The following KANK1 variants were observed in gnomAD, a reference collection of about 807,000 sequenced individuals.
KANK1 encodes the protein KN motif and ankyrin repeat domain-containing protein 1.
KANK1 carries 109 observed loss-of-function variants against 106.2 expected under a neutral mutation model. The observed-to-expected ratio is 1.03, with a 90% confidence interval of 0.88 to 1.20. The LOEUF (loss-of-function observed/expected upper bound fraction) is 1.20. Ranked by LOEUF, KANK1 falls within the 50% of genes most tolerant of loss-of-function variation. The pLI is 0.00. For synonymous variants in KANK1, 873 were observed against 652.2 expected (o/e 1.34, Z -5.16); for missense variants, 2,399 against 1,710.7 (o/e 1.40, Z -7.10).
chr9:652,652 T>C (rs1563929431), intron 1 of KANK1, among the ~76,000 whole-genome samples: 1 of 152,204 alleles, frequency 6.6e-6, no homozygotes, highest in Admixed American at 6.5e-5. Context: ...GTTGTTATCT[T>C]AGGAAGATGA....
intron 2 of KANK1, among the ~76,000 whole-genome samples, chr9:703,301 G>C (rs1387560368): frequency 6.6e-6 from 1 of 152,036 alleles, no homozygotes; most frequent in Non-Finnish European, 1.5e-5. Context: ...CTGCATTGTT[G>C]ATATATGCCT....
At chr9:714,464 AT>A (rs1205316453) in intron 3 of KANK1, among the ~76,000 whole-genome samples, 6 of 148,890 alleles carry the variant, frequency 4.0e-5, no homozygotes, top group Admixed American at 6.8e-5. Context: ...GGTACAAGCG[AT>A]TCTTGTGTCT....
intron 2 of KANK1, among the ~76,000 whole-genome samples, chr9:682,646 C>G (rs9407359): frequency 0.53 from 80,446 of 152,016 alleles, 23,399 homozygotes; most frequent in East Asian, 0.9. Context: ...AGAACATCTT[C>G]CCTGGTCATT....
intron 3 of KANK1, among the ~76,000 whole-genome samples, chr9:723,828 C>T (rs565460399): frequency 4.6e-5 from 7 of 151,060 alleles, no homozygotes; most frequent in Non-Finnish European, 8.8e-5. Flanking sequence ...CACAGTAGCT[C>T]ATGCCTGTAA....
chr9:543,691 A>G (rs944126190), intron 1 of KANK1, among the ~76,000 whole-genome samples: 1 of 152,210 alleles, frequency 6.6e-6, no homozygotes, highest in Non-Finnish European at 1.5e-5. Flanking sequence ...ACCATTGTGC[A>G]TTATGCTGTC....
intron 1 of KANK1, among the ~76,000 whole-genome samples, chr9:606,709 A>G (rs1463643148): frequency 6.6e-6 from 1 of 151,456 alleles, no homozygotes; most frequent in Non-Finnish European, 1.5e-5. Flanking sequence ...AGTTGCAGCT[A>G]CAAAGGAAGA....
chr9:536,624 C>G (rs545132606), intron 1 of KANK1, among the ~76,000 whole-genome samples: 1 of 152,188 alleles, frequency 6.6e-6, no homozygotes, highest in Non-Finnish European at 1.5e-5. Flanking sequence ...CTTTCTGTCT[C>G]TGACCACAGA....
intron 3 of KANK1, among the ~76,000 whole-genome samples, chr9:717,693 T>C (rs1328991794): frequency 6.6e-6 from 1 of 152,220 alleles, no homozygotes; most frequent in Middle Eastern, 3.2e-3. Flanking sequence ...AAAAAAAGTT[T>C]ATTCTTCCTG....
Position 645,031 on chromosome 9 carries a change from G to A in KANK1, c.-83-31859G>A, listed in dbSNP as rs781750741. Among the ~76,000 whole-genome samples, 9 of 146,798 alleles carry A rather than the reference G, an allele frequency of 6.1e-5. 1 individual carries two copies. The highest frequency in any genetic ancestry group is 1.1e-4 in the African/African-American group (4 of 37,928). Reference sequence around the variant, plus strand: ...CCCAGCTACTCTGGAGGCTCAGGCAGGAGAATTGTTTGAACCTGGGAGGCA... The same window carrying A: ...CCCAGCTACTCTGGAGGCTCAGGCAAGAGAATTGTTTGAACCTGGGAGGCA... On this transcript the variant is annotated intron_variant, in intron 1 of 11. Transcript: ENST00000382297.
intron 1 of KANK1, among the ~76,000 whole-genome samples, chr9:611,004 C>A (rs1326248549): frequency 6.6e-6 from 1 of 152,194 alleles, no homozygotes; most frequent in East Asian, 1.9e-4. Context: ...TTGTCTCTGA[C>A]AGAAGGCATC....
chr9:595,156 G>A (rs935767339), intron 1 of KANK1, among the ~76,000 whole-genome samples: 1 of 151,684 alleles, frequency 6.6e-6, no homozygotes, highest in African/African-American at 2.4e-5. Context: ...GCACATGACT[G>A]TAGTCCCAGC....
At chr9:744,610 A>T in intron 11 of KANK1, 21 bp downstream of exon 11, 1 of 1,614,120 alleles carries the variant, frequency 6.2e-7, no homozygotes, top group Middle Eastern at 1.7e-4. Context: ...TGCATTTGGC[A>T]TTTGTAAATA....
intron 3 of KANK1, among the ~76,000 whole-genome samples, chr9:724,968 T>G (rs1830293971): frequency 6.6e-6 from 1 of 152,182 alleles, no homozygotes; most frequent in African/African-American, 2.4e-5. Flanking sequence ...ACATTAGGCA[T>G]TTCATATTTG....
At chr9:663,926 G>T (rs1428740008) in intron 1 of KANK1, among the ~76,000 whole-genome samples, 1 of 152,166 alleles carries the variant, frequency 6.6e-6, no homozygotes, top group African/African-American at 2.4e-5. Context: ...GACACAAGGA[G>T]GCAGATGCTC....
At chr9:487,839 G>C (rs2058318993) in intron 3 of KANK1, 2 of 152,218 alleles carry the variant, frequency 1.3e-5, no homozygotes, top group African/African-American at 4.8e-5. Context: ...TCCTCTGTCA[G>C]TGATCTCTTA....
intron 1 of KANK1, among the ~76,000 whole-genome samples, chr9:507,738 A>C (rs1462820597): frequency 6.6e-6 from 1 of 151,966 alleles, no homozygotes; most frequent in Non-Finnish European, 1.5e-5. Context: ...TTGTATTTTT[A>C]GTAGAGACAG....
At chr9:502,759 C>A (rs1016813714), upstream of KANK1, among the ~76,000 whole-genome samples, 1 of 152,102 alleles carries the variant, frequency 6.6e-6, no homozygotes, top group African/African-American at 2.4e-5. Flanking sequence ...CTCCTGGCCT[C>A]AAGTGATCCA....
Position 596,281 on chromosome 9 carries a change from T to C in KANK1, c.-83-80609T>C, listed in dbSNP as rs576249734. Among the ~76,000 whole-genome samples the C allele has an allele frequency of 5.3e-5, 8 of 151,966 alleles. No homozygotes were observed. In the South Asian group the frequency reaches 1.2e-3, roughly 24 times the overall value. On this transcript the variant is annotated intron_variant, in intron 1 of 11. Coordinates refer to ENST00000382297, the MANE Select transcript of KANK1 (RefSeq NM_015158.5). ...TGTATGCCAAATTAGTAAATATTTTTTGAGTTCCTACCCACATCCCTGTGT... is the reference window on the plus strand; with the variant it reads ...TGTATGCCAAATTAGTAAATATTTTCTGAGTTCCTACCCACATCCCTGTGT...
At chr9:682,694 A>C (rs1427248745) in intron 2 of KANK1, among the ~76,000 whole-genome samples, 1 of 152,158 alleles carries the variant, frequency 6.6e-6, no homozygotes, top group African/African-American at 2.4e-5. Context: ...ACAATTTCAA[A>C]GAAGCAGGAT....
Sources: gnomAD v4.1 joint callset for allele counts (sites outside exome capture counted in the v4.1 genomes callset) on GRCh38, gnomAD v4.1.1 for gene constraint, MANE v1.5 for transcripts, NCBI Gene and HGNC (gene_info 2026-07-23, HGNC 2026-07-21) for gene names.